BAG1: variants seen among roughly 807,000 people sequenced by gnomAD.
BAG1 encodes BAG cochaperone 1.
Under a neutral mutation model 35.5 loss-of-function variants are expected in BAG1, and 35 were observed. The observed-to-expected ratio is 0.99, with a 90% CI of 0.75 to 1.31. The LOEUF (loss-of-function observed/expected upper bound fraction) is 1.31. Among genes scored for constraint, BAG1 ranks in the 50% most tolerant of loss-of-function variants. BAG1 has a pLI of 0.00. For missense variants in BAG1, 464 were observed against 453.6 expected (o/e 1.02, Z -0.21); for synonymous variants, 191 against 178.9 (o/e 1.07, Z -0.54).
In BAG1 at chr9:33,264,511, C is replaced by T. The variant is rs774395261; in HGVS notation, c.164G>A (p.Gly55Glu). The change falls in exon 1 of 7, where the codon GGG becomes GAG. Residue 55 changes from glycine to glutamate, a missense_variant. Coordinates refer to ENST00000634734, the MANE Select transcript of BAG1 (RefSeq NM_004323.6). ...GGCGCCCCTGGTGGGTCGGTCATGC[C>T]CGCTGGCAGTACTCCGGGCAGGTGG... is the stretch of plus-strand genomic sequence containing the variant. 1 of 1,601,192 alleles carries T rather than the reference C, an allele frequency of 6.2e-7. No homozygotes were observed. The highest frequency in any genetic ancestry group is 1.1e-5 in the South Asian group (1 of 90,456).
chr9:33,257,916 G>C (rs949276002), intron 4 of BAG1: 1 of 152,142 alleles, frequency 6.6e-6, no homozygotes, highest in Non-Finnish European at 1.5e-5. Context: ...GGTGCCCCAT[G>C]GGTAATTTTT....
chr9:33,256,134 A>G (rs1820448072), intron 5 of BAG1, among the ~76,000 whole-genome samples: 1 of 152,136 alleles, frequency 6.6e-6, no homozygotes. Context: ...TCTTGTCCCT[A>G]TAAAAGCTCC....
At chr9:33,259,350 C>T (rs186221984) in intron 3 of BAG1, 127 of 170,146 alleles carry the variant, frequency 7.5e-4, no homozygotes, top group Non-Finnish European at 1.1e-4. Flanking sequence ...GGTGACAGAG[C>T]GAGACTGTCT....
In BAG1 at chr9:33,254,826, A is replaced by G. The variant is rs1479174120; in HGVS notation, c.*393T>C. 2.7e-6 allele frequency: 1 copy of G among 375,586 alleles called. No homozygotes were observed. Among genetic ancestry groups the G allele is most frequent in the Admixed American group, 3.8e-5 (1 of 26,246 alleles). The allele number at this position is 375,586 out of a possible 1,614,324, so 23.3% of individuals were successfully genotyped here. On this transcript the variant is annotated 3_prime_UTR_variant, in exon 7 of 7. Transcript: ENST00000634734. ...TCTGGTTTTACAGCTATGGGACTAC[A>G]CGATCACAAGAGCAAAGAAGCCCTC... is the stretch of plus-strand genomic sequence containing the variant.
intron 2 of BAG1, chr9:33,262,001 ATG>A (rs1820581322): frequency 3.4e-6 from 4 of 1,190,522 alleles, no homozygotes; most frequent in Non-Finnish European, 4.3e-6. Context: ...GAGAAATCAG[ATG>A]TTAAGCAACT....
At chr9:33,260,346 T>C (rs2117958967) in intron 3 of BAG1, 2 of 152,404 alleles carry the variant, frequency 1.3e-5, no homozygotes, top group South Asian at 4.1e-4. Flanking sequence ...TAGATAGGTC[T>C]AGCAGCTTTC....
chr9:33,261,841 G>A (rs1459731724), intron 2 of BAG1: 4 of 968,486 alleles, frequency 4.1e-6, no homozygotes, highest in Non-Finnish European at 4.9e-6. Context: ...GAGGGTGTGG[G>A]TCCTGGCAGA....
In BAG1 at chr9:33,264,468, C is replaced by A. The variant is rs765789829; in HGVS notation, c.207G>T (p.Arg69Ser). 7 of 1,612,616 alleles carry A rather than the reference C, an allele frequency of 4.3e-6. No homozygotes were observed. The highest frequency in any genetic ancestry group is 5.9e-6 in the Non-Finnish European group (7 of 1,179,616). Reference sequence around the variant, plus strand: ...GCCGGGTTTTCTTCTTCATCCGCGGCCTGCGAGCGCCGGCGGCGGCGCCCC... The same window carrying A: ...GCCGGGTTTTCTTCTTCATCCGCGGACTGCGAGCGCCGGCGGCGGCGCCCC... Residue 69 changes from arginine to serine, a missense_variant, in exon 1 of 7, where the codon AGG becomes AGT. By Grantham distance (110) the Arg-to-Ser change is moderately radical (BLOSUM62 -1). Transcript: ENST00000634734.
chr9:33,262,939 C>T (rs1335624175), intron 1 of BAG1, 109 bp from the exon 2 acceptor site: 7 of 1,451,224 alleles, frequency 4.8e-6, no homozygotes, highest in Non-Finnish European at 6.5e-6. Context: ...AGCTCATATG[C>T]CACCTACTCC....
At chr9:33,262,912 C>T in intron 1 of BAG1, 82 bp from the exon 2 acceptor site, 1 of 1,557,150 alleles carries the variant, frequency 6.4e-7, no homozygotes, top group South Asian at 1.2e-5. Flanking sequence ...CATTTATTTA[C>T]CCAGCCTTCA....
Position 33,262,633 on chromosome 9 carries a change from G to T in BAG1, c.580+69C>A, listed in dbSNP as rs557066903. 4 of 1,439,150 alleles carry T rather than the reference G, an allele frequency of 2.8e-6. No individual in the cohort carries two copies. The South Asian group carries it at 4.2e-5, about 15-fold the overall frequency. The allele number at this position is 1,439,150 out of a possible 1,614,324, so 89.1% of individuals were successfully genotyped here. On this transcript the variant is annotated intron_variant, in intron 2 of 6. Coordinates refer to ENST00000634734, the MANE Select transcript of BAG1 (RefSeq NM_004323.6). ...GATCGTGCCATTGCACTCCAGCCTG[G>T]GCGACAAGAGTGAAACTTCGTCTCA...
intron 3 of BAG1, among the ~76,000 whole-genome samples, chr9:33,260,752 C>T (rs1027908250): frequency 3.9e-5 from 6 of 152,202 alleles, no homozygotes; most frequent in African/African-American, 1.4e-4. Context: ...TTTATTTTAA[C>T]AAAAGACTCT....
intron 3 of BAG1, chr9:33,260,200 G>T (rs1214913401): frequency 2.0e-5 from 3 of 152,192 alleles, no homozygotes; most frequent in Non-Finnish European, 4.4e-5. Context: ...CATACGCTCT[G>T]TGTCAGCTCC....
chr9:33,258,445 G>GAAT (rs1165582473), intron 4 of BAG1, among the ~76,000 whole-genome samples: 15 of 151,784 alleles, frequency 9.9e-5, no homozygotes, highest in African/African-American at 3.6e-4. Flanking sequence ...ATAAGGAATT[G>GAAT]AATAGGATGA....
chr9:33,264,131 G>A, intron 1 of BAG1, 93 bp downstream of exon 1: 1 of 1,423,110 alleles, frequency 7.0e-7, no homozygotes, highest in Non-Finnish European at 9.4e-7. Context: ...ACAAGCGCAA[G>A]GTCACACGCT....
In BAG1 at chr9:33,261,185, A is replaced by C; in HGVS notation, c.581-16T>G. Reference sequence around the variant, plus strand: ...AGAGATTTTCCTAAAAAGAGGAGAAAGGTAGGCCAAGTTGTAATAATTGTA... The same window carrying C: ...AGAGATTTTCCTAAAAAGAGGAGAACGGTAGGCCAAGTTGTAATAATTGTA... On this transcript the variant is annotated splice_polypyrimidine_tract_variant and intron_variant, in intron 2 of 6. Transcript: ENST00000634734. 1 of 1,566,940 alleles carries C rather than the reference A, an allele frequency of 6.4e-7. No individual in the cohort carries two copies. Among genetic ancestry groups the C allele is most frequent in the South Asian group, 1.1e-5 (1 of 87,538 alleles).
chr9:33,258,109 G>T (rs142122248), intron 4 of BAG1: 1 of 151,904 alleles, frequency 6.6e-6, no homozygotes, highest in African/African-American at 2.4e-5. Flanking sequence ...TGGCCAACAT[G>T]GTGAAACCCC....
intron 4 of BAG1, among the ~76,000 whole-genome samples, chr9:33,258,500 C>G (rs954441572): frequency 6.6e-6 from 1 of 152,024 alleles, no homozygotes; most frequent in East Asian, 1.9e-4. Context: ...CTTCTATGAA[C>G]CAACAAAATG....
chr9:33,255,884 C>A lies in BAG1; in HGVS notation c.929G>T (p.Gly310Val), dbSNP rs147618564. 1.9e-6 allele frequency: 3 copies of A among 1,614,040 alleles called. No individual in the cohort carries two copies. Among genetic ancestry groups the A allele is most frequent in the Admixed American group, 1.7e-5 (1 of 60,028 alleles). Reference sequence around the variant, plus strand: ...ACTCACCTGAACCTTTTTTACCAAGCCTTTCCTTTTCAATCTACTGTCTTT... The same window carrying A: ...ACTCACCTGAACCTTTTTTACCAAGACTTTCCTTTTCAATCTACTGTCTTT... The change falls in exon 6 of 7, where the codon GGC becomes GTC. Residue 310 changes from glycine to valine, a missense_variant. By Grantham distance (109) the Gly-to-Val change is moderately radical. Coordinates refer to ENST00000634734, the MANE Select transcript of BAG1 (RefSeq NM_004323.6).
Sources: gnomAD v4.1 joint callset for allele counts (sites outside exome capture counted in the v4.1 genomes callset) on GRCh38, gnomAD v4.1.1 for gene constraint, MANE v1.5 for transcripts, NCBI Gene and HGNC (gene_info 2026-07-23, HGNC 2026-07-21) for gene names.